SNTG1: variants seen among roughly 807,000 people sequenced by gnomAD.
SNTG1 encodes gamma-1-syntrophin.
Under a neutral mutation model 74.7 loss-of-function variants are expected in SNTG1, and 39 were observed. The ratio of observed to expected loss-of-function variants is 0.52; its 90% CI spans 0.40 to 0.68. SNTG1 has a LOEUF of 0.68. Among genes scored for constraint, SNTG1 ranks in the 30% least tolerant of loss-of-function variants. SNTG1 has a pLI of 0.00. For synonymous variants in SNTG1, 254 were observed against 217.1 expected, an observed-to-expected ratio of 1.17 and a Z score of -1.49; for missense variants, 685 against 609.5, an observed-to-expected ratio of 1.12 and a Z score of -1.30.
intron 4 of SNTG1, among the ~76,000 whole-genome samples, chr8:50,413,378 AT>A (rs2092974361): frequency 6.6e-6 from 1 of 152,058 alleles, no homozygotes; most frequent in Admixed American, 6.6e-5. Context: ...AGTTTGATGT[AT>A]TTTGTAATAT....
chr8:50,219,270 T>C lies in SNTG1; in HGVS notation c.-28+46635T>C, dbSNP rs189766582. Among the ~76,000 whole-genome samples the C allele has an allele frequency of 3.3e-3, 496 of 152,292 alleles. 1 individual carries two copies. Among genetic ancestry groups the C allele is most frequent in the Middle Eastern group, 6.8e-3 (2 of 294 alleles). ...TTTAAGAAGCTCCCACTGGTGACCC[T>C]TCCTAGTTATCTGACAGAAAGAAGG... On this transcript the variant is annotated intron_variant, in intron 2 of 18. Coordinates refer to ENST00000642720, the MANE Select transcript of SNTG1 (RefSeq NM_018967.5).
At chr8:49,981,810 A>G (rs551048676) in intron 1 of SNTG1, among the ~76,000 whole-genome samples, 115 of 152,336 alleles carry the variant, frequency 7.5e-4, no homozygotes, top group Admixed American at 7.2e-4. Context: ...AAATATTACA[A>G]ACAAAACAAT....
chr8:50,563,771 G>A (rs2094500826), intron 12 of SNTG1, among the ~76,000 whole-genome samples: 1 of 151,918 alleles, frequency 6.6e-6, no homozygotes, highest in African/African-American at 2.4e-5. Context: ...ATTGACTTGT[G>A]GTTTCCTAAA....
intron 2 of SNTG1, among the ~76,000 whole-genome samples, chr8:50,354,196 G>A (rs950714670): frequency 2.0e-5 from 3 of 152,148 alleles, no homozygotes; most frequent in African/African-American, 7.2e-5. Flanking sequence ...TAAAAGTCTT[G>A]ACTTTCCCTT....
rs1395946378 is a variant in SNTG1 at position 50,647,439 on chromosome 8, C to CAT, written c.850-9460_850-9459dup. 3.1e-3 allele frequency among the ~76,000 whole-genome samples: 476 copies of CAT among 151,550 alleles called. 4 individuals carry two copies. The highest frequency in any genetic ancestry group is 0.011 in the African/African-American group (440 of 41,296). On this transcript the variant is annotated intron_variant, in intron 13 of 18. Transcript: ENST00000642720. ...CTCATGAAAAAAATACACACACACA[C>CAT]ATATATATATACATATATATGTATA...
intron 17 of SNTG1, among the ~76,000 whole-genome samples, chr8:50,750,733 A>C (rs925124216): frequency 1.3e-5 from 2 of 151,958 alleles, no homozygotes; most frequent in Non-Finnish European, 1.5e-5. Context: ...AGGTATATAC[A>C]TTTTTTTAGG....
chr8:49,917,506 C>T (rs1203025277), intron 1 of SNTG1, among the ~76,000 whole-genome samples: 1 of 152,132 alleles, frequency 6.6e-6, no homozygotes, highest in African/African-American at 2.4e-5. Flanking sequence ...TTGCTGGGAA[C>T]AGTTAATGAG....
At chr8:50,500,314 C>A (rs2093940593) in intron 8 of SNTG1, among the ~76,000 whole-genome samples, 1 of 151,360 alleles carries the variant, frequency 6.6e-6, no homozygotes, top group Non-Finnish European at 1.5e-5. Flanking sequence ...ATTCTACTCT[C>A]TCTCATTCCT....
At chr8:50,721,720 G>A (rs1198998669) in intron 17 of SNTG1, among the ~76,000 whole-genome samples, 2 of 152,138 alleles carry the variant, frequency 1.3e-5, no homozygotes, top group East Asian at 3.8e-4. Context: ...CTACTTCTTA[G>A]CTATGAAATG....
At chr8:50,191,125 G>T (rs2083558028) in intron 2 of SNTG1, among the ~76,000 whole-genome samples, 1 of 152,152 alleles carries the variant, frequency 6.6e-6, no homozygotes, top group South Asian at 2.1e-4. Context: ...AAGCTCCAAA[G>T]TTTATGAGAC....
intron 16 of SNTG1, among the ~76,000 whole-genome samples, chr8:50,705,689 G>C (rs16915261): frequency 0.21 from 31,480 of 151,956 alleles, 3,357 homozygotes; most frequent in South Asian, 0.31. Flanking sequence ...CCAAAGTCCA[G>C]TGCATTTTGC....
chr8:50,602,073 C>T (rs541940898), intron 13 of SNTG1, among the ~76,000 whole-genome samples: 1 of 151,958 alleles, frequency 6.6e-6, no homozygotes, highest in South Asian at 2.1e-4. Context: ...ATCCATTCTG[C>T]CACTCTATGT....
chr8:50,285,368 G>A (rs1196446706), intron 2 of SNTG1, among the ~76,000 whole-genome samples: 1 of 151,964 alleles, frequency 6.6e-6, no homozygotes, highest in Non-Finnish European at 1.5e-5. Flanking sequence ...GTTTTGTTTT[G>A]TGTGCTCTAG....
intron 15 of SNTG1, among the ~76,000 whole-genome samples, chr8:50,681,182 C>A (rs373412153): frequency 2.0e-5 from 3 of 151,896 alleles, no homozygotes; most frequent in Non-Finnish European, 2.9e-5. Context: ...GGCCAGAATA[C>A]CAATTTGCTT....
At chr8:49,993,487 C>A (rs1813883333) in intron 1 of SNTG1, among the ~76,000 whole-genome samples, 1 of 151,984 alleles carries the variant, frequency 6.6e-6, no homozygotes, top group African/African-American at 2.4e-5. Context: ...TTTGCTGCAC[C>A]TATCAACCCA....
chr8:50,610,434 T>G (rs898528987), intron 13 of SNTG1, among the ~76,000 whole-genome samples: 4 of 152,166 alleles, frequency 2.6e-5, no homozygotes, highest in African/African-American at 4.8e-5. Context: ...TGTGCATAGC[T>G]TCCTACTCAG....
chr8:50,323,875 A>C (rs1193923761), intron 2 of SNTG1, among the ~76,000 whole-genome samples: 3 of 152,102 alleles, frequency 2.0e-5, no homozygotes, highest in Non-Finnish European at 4.4e-5. Context: ...TTAACAATTT[A>C]CCAGGTGTTC....
At chr8:50,423,248 A>G (rs1185209009) in intron 4 of SNTG1, among the ~76,000 whole-genome samples, 1 of 152,198 alleles carries the variant, frequency 6.6e-6, no homozygotes. Context: ...TGAGCACCTA[A>G]CAGAAATTTT....
intron 2 of SNTG1, among the ~76,000 whole-genome samples, chr8:50,392,015 A>G (rs2092668852): frequency 6.6e-6 from 1 of 152,176 alleles, no homozygotes; most frequent in Non-Finnish European, 1.5e-5. Context: ...CCAAGGGAAA[A>G]AGGGGACTAC....
Sources: gnomAD v4.1 joint callset for allele counts (sites outside exome capture counted in the v4.1 genomes callset) on GRCh38, gnomAD v4.1.1 for gene constraint, MANE v1.5 for transcripts, NCBI Gene and HGNC (gene_info 2026-07-23, HGNC 2026-07-21) for gene names.